Variants in SNCAIP observed in about 807,000 individuals in gnomAD.
The protein encoded by SNCAIP is synuclein alpha interacting protein.
A neutral mutation model predicts 86.7 loss-of-function variants in SNCAIP; 43 were observed. The observed-to-expected ratio is 0.50, with a 90% CI of 0.39 to 0.64. The LOEUF (loss-of-function observed/expected upper bound fraction) is 0.64, where lower values mean the gene tolerates loss of function less well. Among genes scored for constraint, SNCAIP ranks in the 30% least tolerant of loss-of-function variants. The pLI is 0.00. For synonymous variants in SNCAIP, 417 were observed against 427.2 expected, an observed-to-expected ratio of 0.98 and a Z score of 0.29; for missense variants, 981 against 1,103.1, an observed-to-expected ratio of 0.89 and a Z score of 1.57.
At chr5:122,361,912 A>G (rs1428878290) in intron 1 of SNCAIP, among the ~76,000 whole-genome samples, 2 of 152,230 alleles carry the variant, frequency 1.3e-5, no homozygotes, top group African/African-American at 4.8e-5. Context: ...GCCAGTAATG[A>G]TTATGAAAGA....
intron 8 of SNCAIP, 144 bp from the exon 9 acceptor site, chr5:122,449,701 C>T: frequency 1.5e-6 from 1 of 665,538 alleles, no homozygotes; most frequent in Non-Finnish European, 2.7e-6. Flanking sequence ...AATTTCTGAA[C>T]CTGTAAGGAT....
chr5:122,458,180 G>A (rs1161719829), intron 10 of SNCAIP, among the ~76,000 whole-genome samples: 2 of 152,188 alleles, frequency 1.3e-5, no homozygotes, highest in Admixed American at 6.5e-5. Flanking sequence ...ATTCCAGGGA[G>A]GCAGGAAATG....
At chr5:122,363,496 C>G (rs1762579459) in intron 1 of SNCAIP, among the ~76,000 whole-genome samples, 1 of 152,064 alleles carries the variant, frequency 6.6e-6, no homozygotes. Context: ...GTTGATATTG[C>G]CTCCCCTTGC....
intron 1 of SNCAIP, among the ~76,000 whole-genome samples, chr5:122,348,313 T>C (rs965042488): frequency 2.0e-5 from 3 of 152,176 alleles, no homozygotes; most frequent in African/African-American, 7.2e-5. Flanking sequence ...TTTCACTGTG[T>C]GGAATTATGG....
intron 3 of SNCAIP, among the ~76,000 whole-genome samples, chr5:122,420,981 A>G (rs151113370): frequency 6.6e-6 from 1 of 152,340 alleles, no homozygotes; most frequent in East Asian, 1.9e-4. Flanking sequence ...CACTTTGTGC[A>G]TTTTAGAAGA....
intron 1 of SNCAIP, among the ~76,000 whole-genome samples, chr5:122,368,052 C>T (rs561194567): frequency 7.9e-5 from 12 of 152,212 alleles, no homozygotes; most frequent in East Asian, 5.8e-4. Flanking sequence ...ACTTTGGAGT[C>T]GTAGGGCCAT....
At chr5:122,389,127 A>G (rs111881125) in intron 1 of SNCAIP, 121 of 152,332 alleles carry the variant, frequency 7.9e-4, no homozygotes, top group African/African-American at 2.8e-3. Context: ...TGCTGTCTAT[A>G]TTGTTGGAGC....
At chr5:122,322,060 T>C (rs1753058035) in intron 1 of SNCAIP, among the ~76,000 whole-genome samples, 1 of 152,092 alleles carries the variant, frequency 6.6e-6, no homozygotes, top group African/African-American at 2.4e-5. Context: ...AACTGACATA[T>C]ATAGAACATT....
At chr5:122,410,763 C>T (rs1352442527) in intron 3 of SNCAIP, among the ~76,000 whole-genome samples, 8 of 152,116 alleles carry the variant, frequency 5.3e-5, no homozygotes, top group Non-Finnish European at 1.2e-4. Context: ...GCGGAAGTTG[C>T]GGTAAGCCAA....
chr5:122,328,181 C>A (rs1421041022), intron 1 of SNCAIP, among the ~76,000 whole-genome samples: 2 of 152,172 alleles, frequency 1.3e-5, no homozygotes, highest in Non-Finnish European at 2.9e-5. Flanking sequence ...ATATCTTTTT[C>A]AATGAATGTG....
chr5:122,457,472 TC>T (rs1785038178), intron 10 of SNCAIP, among the ~76,000 whole-genome samples: 1 of 152,152 alleles, frequency 6.6e-6, no homozygotes, highest in Admixed American at 6.5e-5. Context: ...GCACTGACCC[TC>T]CCAGCTCCCA....
intron 1 of SNCAIP, among the ~76,000 whole-genome samples, chr5:122,314,386 C>G (rs1293100299): frequency 1.3e-5 from 2 of 152,200 alleles, no homozygotes; most frequent in African/African-American, 4.8e-5. Context: ...AAGGGAATTT[C>G]TCTTTTAAAT....
In SNCAIP at chr5:122,358,159, TTGTGTGTGTGTGTGTGTGTGTG is replaced by T. The variant is rs36222259; in HGVS notation, c.-46-32906_-46-32885del. The stretch of plus-strand genomic sequence containing the variant: ...ATCAAAGAAAGAAAAATTTGTTTCT[TTGTGTGTGTGTGTGTGTGTGTG>T]TGTGTGTGTGTGTGTGTGTGTGTAT... On this transcript the variant is annotated intron_variant, in intron 1 of 10. Transcript: ENST00000261368. 1.9e-3 allele frequency among the ~76,000 whole-genome samples: 262 copies of T among 138,034 alleles called. 1 individual carries two copies. The highest frequency in any genetic ancestry group is 2.8e-3 in the Non-Finnish European group (182 of 64,864). 90.6% of individuals were successfully genotyped at this position (138,034 alleles called of 152,430 possible).
intron 1 of SNCAIP, among the ~76,000 whole-genome samples, chr5:122,335,188 G>A (rs1439108662): frequency 6.6e-6 from 1 of 152,110 alleles, no homozygotes; most frequent in Non-Finnish European, 1.5e-5. Context: ...GGTGGAAATT[G>A]TTGTTAGGAG....
At chr5:122,422,434 G>A (rs1037228389) in intron 3 of SNCAIP, among the ~76,000 whole-genome samples, 4 of 152,144 alleles carry the variant, frequency 2.6e-5, no homozygotes, top group Non-Finnish European at 5.9e-5. Context: ...GGACATGCAC[G>A]CTAATGTGTG....
intron 6 of SNCAIP, among the ~76,000 whole-genome samples, chr5:122,439,585 T>C (rs1460687634): frequency 6.6e-6 from 1 of 152,194 alleles, no homozygotes; most frequent in Non-Finnish European, 1.5e-5. Flanking sequence ...TTAGTTGGCA[T>C]GTTCAGAAGA....
At chr5:122,444,523 C>G in intron 7 of SNCAIP, 40 bp from the exon 8 acceptor site, 1 of 1,561,498 alleles carries the variant, frequency 6.4e-7, no homozygotes, top group Non-Finnish European at 8.8e-7. Context: ...ATAATGTGTA[C>G]AGAGATGTCC....
chr5:122,396,554 A>G (rs1390657840), intron 2 of SNCAIP, among the ~76,000 whole-genome samples: 2 of 152,178 alleles, frequency 1.3e-5, no homozygotes. Flanking sequence ...CCTTTTCATC[A>G]CAATTAGTTT....
rs10528513 is a variant in SNCAIP at position 122,359,349 on chromosome 5, T to TTTTATTTATTTATTTATTTATTTATTTA, written c.-46-31736_-46-31709dup. 2.8e-5 allele frequency among the ~76,000 whole-genome samples: 4 copies of TTTTATTTATTTATTTATTTATTTATTTA among 142,182 alleles called. 1 individual carries two copies. Among genetic ancestry groups the TTTTATTTATTTATTTATTTATTTATTTA allele is most frequent in the African/African-American group, 1.0e-4 (4 of 38,482 alleles). The allele number at this position is 142,182 out of a possible 152,430, so 93.3% of individuals were successfully genotyped here. ...CTGAGTAAAAACATGAGATTTTTAT[T>TTTTATTTATTTATTTATTTATTTATTTA]TTTATTTATTTATTTATTTATTTAT... On this transcript the variant is annotated intron_variant, in intron 1 of 10. Transcript: ENST00000261368.
Sources: gnomAD v4.1 joint callset for allele counts (sites outside exome capture counted in the v4.1 genomes callset) on GRCh38, gnomAD v4.1.1 for gene constraint, MANE v1.5 for transcripts, NCBI Gene and HGNC (gene_info 2026-07-23, HGNC 2026-07-21) for gene names.